CERS1: variants seen among roughly 807,000 people sequenced by gnomAD.
CERS1 encodes ceramide synthase 1.
A neutral mutation model predicts 35.7 loss-of-function variants in CERS1; 16 were observed. The ratio of observed to expected loss-of-function variants is 0.45; its 90% CI spans 0.30 to 0.68. The LOEUF is 0.68. Ranked by LOEUF, CERS1 falls within the 30% of genes least tolerant of loss-of-function variation. The pLI, the probability that CERS1 is intolerant of heterozygous loss-of-function variation, is 0.08. For missense variants in CERS1, 454 were observed against 453.9 expected (o/e 1.00, Z 0.00); for synonymous variants, 243 against 201.6 (o/e 1.21, Z -1.74).
At position 18,878,610 on chromosome 19, in the gene CERS1, A is replaced by T; in HGVS notation, c.1010+320T>A. On this transcript the variant is annotated intron_variant, in intron 6 of 7. Coordinates refer to ENST00000623882, the MANE Select transcript of CERS1 (RefSeq NM_021267.5). The surrounding 1 kb of genome is among the most constrained non-coding windows in gnomAD (Gnocchi z 4.6). ...CCAGGCTGGCCAGCAACTACTCCTC[A>T]CCACCCACAGGGCCCTGGCTCGCCA... 8.6e-7 allele frequency: 1 copy of T among 1,159,710 alleles called. No homozygotes were observed. The allele number at this position is 1,159,710 out of a possible 1,614,324, so 71.8% of individuals were successfully genotyped here.
intron 2 of CERS1, among the ~76,000 whole-genome samples, chr19:18,892,771 T>C (rs1174473332): frequency 6.6e-6 from 1 of 151,934 alleles, no homozygotes; most frequent in African/African-American, 2.4e-5. Context: ...CACACAGGGG[T>C]CCTTCCAGGA....
chr19:18,878,050 C>T lies in CERS1; in HGVS notation c.1010+880G>A, dbSNP rs1601159973. On this transcript the variant is annotated intron_variant, in intron 6 of 7. Coordinates refer to ENST00000623882, the MANE Select transcript of CERS1 (RefSeq NM_021267.5). The surrounding 1 kb of genome is among the most constrained non-coding windows in gnomAD (Gnocchi z 4.6). ...CCGGATGTGTTAAATGTCTGCATCT[C>T]GCACCTCCCGTTCCAAAAAACGTCA... is the stretch of plus-strand genomic sequence containing the variant. 1.0e-6 allele frequency: 1 copy of T among 985,514 alleles called. No individual in the cohort carries two copies. The highest frequency in any genetic ancestry group is 1.2e-6 in the Non-Finnish European group (1 of 829,978). 61.0% of individuals were successfully genotyped at this position (985,514 alleles called of 1,614,324 possible).
rs1253618613 is a variant in CERS1, at chr19:18,869,968, G to C, written c.*594+15C>G. The C allele has an allele frequency of 1.3e-6, 2 of 1,574,464 alleles. No individual in the cohort carries two copies. On this transcript the variant is annotated intron_variant, in intron 7 of 7. Coordinates refer to ENST00000623882, the MANE Select transcript of CERS1 (RefSeq NM_021267.5). ...GGCCTCCAGGACCAGTGTCCCCAGC[G>C]AAAGCCCCACTCACCGCGGTCCGGG...
intron 1 of CERS1, among the ~76,000 whole-genome samples, chr19:18,894,859 G>A (rs2056587331): frequency 6.6e-6 from 1 of 152,150 alleles, no homozygotes; most frequent in African/African-American, 2.4e-5. Flanking sequence ...TGTTGGCGCT[G>A]GGCACATTGT....
In CERS1 at chr19:18,880,357, A is replaced by G; in HGVS notation, c.669T>C (p.Ile223=). The G allele has an allele frequency of 6.4e-7, 1 of 1,569,256 alleles. No homozygotes were observed. The highest frequency in any genetic ancestry group is 1.4e-5 in the African/African-American group (1 of 73,948). The change falls in exon 4 of 8, where the codon ATT becomes ATC. Residue 223 remains isoleucine (I), a synonymous_variant. Coordinates refer to ENST00000623882, the MANE Select transcript of CERS1 (RefSeq NM_021267.5). ...AGGAGCCGCCGCGGGACTTGAAGTAAATGTTGAGCTTGGTGAACTCAAGCT... is the reference window on the plus strand; with the variant it reads ...AGGAGCCGCCGCGGGACTTGAAGTAGATGTTGAGCTTGGTGAACTCAAGCT... ...DVQLEFTKLN[I]YFKSRGGSYH... is the part of the protein sequence containing the mutation.
Position 18,878,362 on chromosome 19 carries a change from C to T in CERS1, c.1010+568G>A, listed in dbSNP as rs1302211117. ...GCTGTCACCCAGGGCTGGTGAGGCT[C>T]GTGGGCTATCTCCTTCCCCAGGACT... On this transcript the variant is annotated intron_variant, in intron 6 of 7. Transcript: ENST00000623882. This position sits in a 1 kb window ranked among gnomAD's most constrained non-coding sequence, Gnocchi z 4.6. 10 of 986,684 alleles carry T rather than the reference C, an allele frequency of 1.0e-5. No individual in the cohort carries two copies. The highest frequency in any genetic ancestry group is 6.1e-5 in the Admixed American group (1 of 16,482). 61.1% of individuals were successfully genotyped at this position (986,684 alleles called of 1,614,324 possible).
Position 18,880,234 on chromosome 19 carries a change from G to A in CERS1, c.752+40C>T, listed in dbSNP as rs773188469. ...TTTCTGGACACACCCACCTCACCAG[G>A]CCACACCTCCCTCCCTGCCCAGCAC... On this transcript the variant is annotated intron_variant, in intron 4 of 7. Transcript: ENST00000623882. 14 of 1,512,858 alleles carry A rather than the reference G, an allele frequency of 9.3e-6. No individual in the cohort carries two copies. In the East Asian group the frequency reaches 2.2e-4, roughly 24 times the overall value. 93.7% of individuals were successfully genotyped at this position (1,512,858 alleles called of 1,614,324 possible). A position where few individuals can be genotyped will look rare whatever the true frequency, so the allele number is the denominator to read the frequency against.
Position 18,870,186 on chromosome 19 carries a change from T to C in CERS1, c.*391A>G, listed in dbSNP as rs781079772. 5 of 1,563,954 alleles carry C rather than the reference T, an allele frequency of 3.2e-6. No individual in the cohort carries two copies. In the African/African-American group the frequency reaches 5.4e-5, roughly 17 times the overall value. On this transcript the variant is annotated 3_prime_UTR_variant, in exon 7 of 8. Coordinates refer to ENST00000623882, the MANE Select transcript of CERS1 (RefSeq NM_021267.5). This position sits in a 1 kb window ranked among gnomAD's most constrained non-coding sequence, Gnocchi z 5.1. ...GGGCTCATCGCGCAGTCCTAGAGCC[T>C]GGAGCAGGGCGGCGGCTGGGCCTGG...
rs890558836 is a variant in CERS1, at chr19:18,868,825, C to T, written c.*1160G>A. ...GCGCGACGGGCAGCGCGCACTGACC[C>T]TGGCAGTAGTTGGCCAGGAAGCCGC... On this transcript the variant is annotated 3_prime_UTR_variant, in exon 8 of 8. Coordinates refer to ENST00000623882, the MANE Select transcript of CERS1 (RefSeq NM_021267.5). 2.1e-6 allele frequency: 3 copies of T among 1,457,044 alleles called. No homozygotes were observed. The African/African-American group carries it at 4.4e-5, about 22-fold the overall frequency. The allele number at this position is 1,457,044 out of a possible 1,614,324, so 90.3% of individuals were successfully genotyped here. A position where few individuals can be genotyped will look rare whatever the true frequency, so the allele number is the denominator to read the frequency against.
At position 18,869,998 on chromosome 19, in the gene CERS1, G is replaced by T; in HGVS notation, c.*579C>A. 1 of 1,595,280 alleles carries T rather than the reference G, an allele frequency of 6.3e-7. No homozygotes were observed. On this transcript the variant is annotated 3_prime_UTR_variant, in exon 7 of 8. Transcript: ENST00000623882. ...CCCCACTCACCGCGGTCCGGGATGT[G>T]GCGCACGATGTTTCCGGCGACCCCC...
intron 2 of CERS1, among the ~76,000 whole-genome samples, chr19:18,888,889 CTTT>C (rs756124590): frequency 4.1e-5 from 5 of 122,918 alleles, no homozygotes; most frequent in Admixed American, 8.3e-5. Context: ...TTCTTTCTTT[CTTT>C]TTTTTTTTTT....
At chr19:18,896,819 C>T (rs2056633063), upstream of CERS1, 1 of 151,948 alleles carries the variant, frequency 6.6e-6, no homozygotes, top group Non-Finnish European at 1.5e-5. This position sits in a 1 kb window ranked among gnomAD's most constrained non-coding sequence, Gnocchi z 5.9. Flanking sequence ...CAGGCATCTT[C>T]TTCTGCAGGT....
intron 6 of CERS1, among the ~76,000 whole-genome samples, chr19:18,876,665 G>C (rs770201427): frequency 6.6e-6 from 1 of 152,008 alleles, no homozygotes; most frequent in Non-Finnish European, 1.5e-5. Flanking sequence ...GATTACAGAC[G>C]TGAGCCACCA....
At position 18,893,581 on chromosome 19, in the gene CERS1, G is replaced by T. The variant is rs758882078; in HGVS notation, c.250-6C>A. 1 of 1,605,594 alleles carries T rather than the reference G, an allele frequency of 6.2e-7. No individual in the cohort carries two copies. The highest frequency in any genetic ancestry group is 8.5e-7 in the Non-Finnish European group (1 of 1,177,094). On this transcript the variant is annotated splice_polypyrimidine_tract_variant and splice_region_variant and intron_variant, in intron 1 of 7. Coordinates refer to ENST00000623882, the MANE Select transcript of CERS1 (RefSeq NM_021267.5). ...CAGCACCGCTTCGCCAGGGGCTATGGGGGAGAAGACAGGCGGGCAGCCATT... is the reference window on the plus strand; with the variant it reads ...CAGCACCGCTTCGCCAGGGGCTATGTGGGAGAAGACAGGCGGGCAGCCATT...
rs1049663237 is a variant in CERS1, at chr19:18,879,332, C to T, written c.809G>A (p.Cys270Tyr). 11 of 1,605,748 alleles carry T rather than the reference C, an allele frequency of 6.9e-6. No homozygotes were observed. Among genetic ancestry groups the T allele is most frequent in the Admixed American group, 6.8e-5 (4 of 58,410 alleles). ...PLKVLYATSH[C>Y]SLRTVPDIPF... ...GATGTCAGGCACCGTGCGCAGACTG[C>T]AGTGACTGGTGGCATACAGGACCTT... is the stretch of plus-strand genomic sequence containing the variant. Residue 270 changes from cysteine to tyrosine, a missense_variant, in exon 5 of 8, where the codon TGC (cysteine) becomes TAC (tyrosine). Transcript: ENST00000623882.
chr19:18,868,627 GTCC>G lies in CERS1; in HGVS notation c.*1355_*1357del. On this transcript the variant is annotated 3_prime_UTR_variant, in exon 8 of 8. Transcript: ENST00000623882. ...GGCAGCCGCACTCGTCCACCACCATGTCCTCATACTGCCGCAGCACCACGTTGT... is the reference window on the plus strand; with the variant it reads ...GGCAGCCGCACTCGTCCACCACCATGTCATACTGCCGCAGCACCACGTTGT... 1 of 1,572,798 alleles carries G rather than the reference GTCC, an allele frequency of 6.4e-7. No individual in the cohort carries two copies. The highest frequency in any genetic ancestry group is 8.6e-7 in the Non-Finnish European group (1 of 1,159,330).
At chr19:18,887,155 G>A (rs2056382289) in intron 2 of CERS1, among the ~76,000 whole-genome samples, 3 of 152,224 alleles carry the variant, frequency 2.0e-5, no homozygotes, top group South Asian at 4.1e-4. Flanking sequence ...TCCACACAGT[G>A]GAATACTATG....
intron 2 of CERS1, among the ~76,000 whole-genome samples, chr19:18,889,201 C>T (rs755766109): frequency 2.0e-5 from 3 of 151,964 alleles, no homozygotes; most frequent in Non-Finnish European, 2.9e-5. Context: ...CCACTTCAGC[C>T]CTCTTCCAGA....
intron 2 of CERS1, among the ~76,000 whole-genome samples, chr19:18,884,650 A>G (rs1601173967): frequency 7.4e-6 from 1 of 134,570 alleles, no homozygotes; most frequent in Admixed American, 7.7e-5. Flanking sequence ...CTCATGATTC[A>G]CCTGCCTCGG....
Sources: gnomAD v4.1 joint callset for allele counts (sites outside exome capture counted in the v4.1 genomes callset) on GRCh38, gnomAD v4.1.1 for gene constraint, Gnocchi (gnomAD v3.1) non-coding constraint, MANE v1.5 for transcripts, NCBI Gene and HGNC (gene_info 2026-07-23, HGNC 2026-07-21) for gene names.